Variants in AFF2 observed in about 807,000 individuals in gnomAD.
AFF2 encodes the protein AF4/FMR2 family member 2.
AFF2 carries 14 observed loss-of-function variants against 76.9 expected under a neutral mutation model. That is an observed-to-expected ratio of 0.18 (90% CI 0.12 to 0.28). The LOEUF is 0.28. Ranked by LOEUF, AFF2 falls within the 10% of genes least tolerant of loss-of-function variation. The probability of loss-of-function intolerance (pLI) is 1.00; values close to 1 mark genes in which losing one functional copy is unlikely to be tolerated. For synonymous variants in AFF2, 398 were observed against 366.7 expected (o/e 1.09, Z -0.98); for missense variants, 868 against 1,001.1 (o/e 0.87, Z 1.79).
chrX:148,925,925 G>A (rs1183503678), intron 9 of AFF2, among the ~76,000 whole-genome samples: 1 of 111,763 alleles, frequency 8.9e-6, no homozygotes, highest in African/African-American at 3.3e-5. Context: ...TGTGGCCTTG[G>A]GCAATTTCTT....
At chrX:148,790,772 C>T (rs1299561325) in intron 3 of AFF2, among the ~76,000 whole-genome samples, 2 of 111,078 alleles carry the variant, frequency 1.8e-5, no homozygotes. Flanking sequence ...TTGATAGGTG[C>T]AAAAAATCAC....
chrX:148,981,875 C>T (rs1327724030), intron 19 of AFF2, among the ~76,000 whole-genome samples: 1 of 112,348 alleles, frequency 8.9e-6, no homozygotes, highest in African/African-American at 3.2e-5. Context: ...ACATTCAGTG[C>T]GAGGGAACAG....
At chrX:148,733,757 A>C (rs1166434711) in intron 3 of AFF2, among the ~76,000 whole-genome samples, 1 of 111,821 alleles carries the variant, frequency 8.9e-6, no homozygotes, top group Non-Finnish European at 1.9e-5. Flanking sequence ...TAATGCTTGG[A>C]AATTGTGGCT....
chrX:148,642,766 A>G (rs2054103365), intron 1 of AFF2, among the ~76,000 whole-genome samples: 2 of 112,200 alleles, frequency 1.8e-5, no homozygotes, highest in African/African-American at 6.5e-5. Flanking sequence ...GAGGAAAAGG[A>G]GGAGGTGAAG....
At chrX:148,898,986 G>A (rs1557280613) in intron 8 of AFF2, among the ~76,000 whole-genome samples, 1 of 111,915 alleles carries the variant, frequency 8.9e-6, no homozygotes, top group Admixed American at 9.5e-5. Context: ...ACATGTTTTT[G>A]CTTCCTAGAG....
At chrX:148,984,982 T>C (rs188063986) in intron 19 of AFF2, among the ~76,000 whole-genome samples, 1 of 110,676 alleles carries the variant, frequency 9.0e-6, no homozygotes, top group Admixed American at 9.6e-5. Context: ...TTCCCTTTTG[T>C]TTTCTTTTTT....
chrX:148,638,818 C>T (rs185141349), intron 1 of AFF2, among the ~76,000 whole-genome samples: 1 of 111,680 alleles, frequency 9.0e-6, no homozygotes, highest in East Asian at 2.8e-4. Flanking sequence ...ACCTAAGTAC[C>T]TCGTGAGATT....
Position 148,805,171 on chromosome X carries a change from G to A in AFF2, c.1042-4705G>A, listed in dbSNP as rs190806388. Among the ~76,000 whole-genome samples the A allele has an allele frequency of 6.3e-5, 7 of 111,814 alleles. No homozygotes were observed. In the South Asian group the frequency reaches 1.9e-3, roughly 30 times the overall value. Reference sequence around the variant, plus strand: ...GAAGTTTGTTAATGAAAGTACAAACGGAATTAGTTTGGAAGCCGCCATCAG... The same window carrying A: ...GAAGTTTGTTAATGAAAGTACAAACAGAATTAGTTTGGAAGCCGCCATCAG... On this transcript the variant is annotated intron_variant, in intron 3 of 20. Transcript: ENST00000370460.
chrX:148,567,274 A>T (rs1406848066), intron 1 of AFF2, among the ~76,000 whole-genome samples: 1 of 111,500 alleles, frequency 9.0e-6, no homozygotes, highest in Non-Finnish European at 1.9e-5. Context: ...GTTTTATGTG[A>T]TGGAGGGCAA....
chrX:148,511,286 C>T (rs1557233089), intron 1 of AFF2, among the ~76,000 whole-genome samples: 1 of 111,226 alleles, frequency 9.0e-6, no homozygotes, highest in African/African-American at 3.3e-5. Flanking sequence ...GTTACCATCC[C>T]TGAATTGTAG....
Position 148,708,670 on chromosome X carries a change from C to T in AFF2, c.1041+45902C>T, listed in dbSNP as rs782729872. Among the ~76,000 whole-genome samples, 27 of 111,882 alleles carry T rather than the reference C, an allele frequency of 2.4e-4. No individual in the cohort carries two copies. In the Middle Eastern group the frequency reaches 0.019, roughly 77 times the overall value. ...CGGAGGTTGCAGTGAGCCAAGATCG[C>T]GCCACCGCACTCCAGCCTGGGTGAT... On this transcript the variant is annotated intron_variant, in intron 3 of 20. Coordinates refer to ENST00000370460, the MANE Select transcript of AFF2 (RefSeq NM_002025.4).
In AFF2 at chrX:148,713,865, A is replaced by C. The variant is rs575146567; in HGVS notation, c.1041+51097A>C. Among the ~76,000 whole-genome samples the C allele has an allele frequency of 2.7e-5, 3 of 111,883 alleles. No individual in the cohort carries two copies. The South Asian group carries it at 1.1e-3, about 42-fold the overall frequency. On this transcript the variant is annotated intron_variant, in intron 3 of 20. Transcript: ENST00000370460. ...TAGTAGCATGTCTTGTAGGGGCCCT[A>C]CTGAGGTAAATGAGTTAATCTTAGT...
At chrX:148,836,593 T>A (rs781992077) in intron 4 of AFF2, among the ~76,000 whole-genome samples, 1 of 111,616 alleles carries the variant, frequency 9.0e-6, no homozygotes, top group East Asian at 2.8e-4. Flanking sequence ...ATCATGACTT[T>A]TTTTTTAATG....
intron 7 of AFF2, among the ~76,000 whole-genome samples, chrX:148,861,263 A>G (rs1355382520): frequency 8.9e-6 from 1 of 112,152 alleles, no homozygotes; most frequent in Non-Finnish European, 1.9e-5. Context: ...CATGCAAATG[A>G]TGTGAATAGT....
chrX:148,727,677 G>A (rs2055176221), intron 3 of AFF2, among the ~76,000 whole-genome samples: 1 of 111,636 alleles, frequency 9.0e-6, no homozygotes, highest in South Asian at 3.7e-4. Flanking sequence ...GCAATGTATA[G>A]AATTAAAGAT....
At chrX:148,562,886 A>T (rs187866670) in intron 1 of AFF2, among the ~76,000 whole-genome samples, 1 of 112,026 alleles carries the variant, frequency 8.9e-6, no homozygotes, top group African/African-American at 3.2e-5. Context: ...GTCTGCAGAC[A>T]TGAAAAAAGC....
At chrX:148,551,058 A>T (rs2052983905) in intron 1 of AFF2, among the ~76,000 whole-genome samples, 1 of 109,893 alleles carries the variant, frequency 9.1e-6, no homozygotes, top group African/African-American at 3.3e-5. Flanking sequence ...GGGAGGGGGA[A>T]AAATCAGCCC....
rs782510446 is a variant in AFF2, at chrX:148,542,230, C to T, written c.47+41086C>T. 5.5e-5 allele frequency among the ~76,000 whole-genome samples: 6 copies of T among 109,263 alleles called. No individual in the cohort carries two copies. In the South Asian group the frequency reaches 2.4e-3, roughly 43 times the overall value. The allele number at this position is 109,263 out of a possible 115,157, so 94.9% of individuals were successfully genotyped here. On this transcript the variant is annotated intron_variant, in intron 1 of 20. Coordinates refer to ENST00000370460, the MANE Select transcript of AFF2 (RefSeq NM_002025.4). The stretch of plus-strand genomic sequence containing the variant: ...CAGTTTACTTATAAAACGTTTAGCT[C>T]AGTCAAGTTGGGTGATGTCTACTAC...
At chrX:148,618,665 C>G (rs1557250843) in intron 1 of AFF2, among the ~76,000 whole-genome samples, 1 of 111,474 alleles carries the variant, frequency 9.0e-6, no homozygotes, top group Non-Finnish European at 1.9e-5. Flanking sequence ...ATGATGACAT[C>G]AGCAGAAATT....
Sources: gnomAD v4.1 joint callset for allele counts (sites outside exome capture counted in the v4.1 genomes callset) on GRCh38, gnomAD v4.1.1 for gene constraint, MANE v1.5 for transcripts, NCBI Gene and HGNC (gene_info 2026-07-23, HGNC 2026-07-21) for gene names.